The following SPATA18 variants were observed in gnomAD, a reference collection of about 807,000 sequenced individuals.
SPATA18 encodes mitochondria-eating protein.
A neutral mutation model predicts 68.1 loss-of-function variants in SPATA18; 54 were observed. The ratio of observed to expected loss-of-function variants is 0.79; its 90% CI spans 0.64 to 0.99. The LOEUF (loss-of-function observed/expected upper bound fraction) is 0.99. Ranked by LOEUF, SPATA18 falls within the 50% of genes least tolerant of loss-of-function variation. The pLI is 0.00. For synonymous variants in SPATA18, 242 were observed against 244.8 expected (o/e 0.99, Z 0.11); for missense variants, 724 against 681.1 (o/e 1.06, Z -0.70).
intron 7 of SPATA18, among the ~76,000 whole-genome samples, 161 bp downstream of exon 7, chr4:52,077,201 T>G (rs1033073098): frequency 6.6e-6 from 1 of 151,780 alleles, no homozygotes; most frequent in African/African-American, 2.4e-5. Flanking sequence ...TTCTTCCTCC[T>G]TCCCTTTCTT....
Position 52,062,283 on chromosome 4 carries a change from G to C in SPATA18, c.373G>C (p.Asp125His). 1 of 1,609,834 alleles carries C rather than the reference G, an allele frequency of 6.2e-7. No individual in the cohort carries two copies. Among genetic ancestry groups the C allele is most frequent in the Non-Finnish European group, 8.5e-7 (1 of 1,178,194 alleles). ...TCGGGATCGGGATATGCAACAGTTA[G>C]ACTCTAATTTGAACTCAACCCGGAG... ...SPRDRDMQQL[D>H]SNLNSTRSQC... Residue 125 changes from aspartate (D) to histidine (H), a missense_variant, in exon 4 of 13, where the codon GAC becomes CAC. Transcript: ENST00000295213.
At chr4:52,092,449 T>C (rs1196864328) in intron 11 of SPATA18, among the ~76,000 whole-genome samples, 1 of 152,176 alleles carries the variant, frequency 6.6e-6, no homozygotes, top group East Asian at 1.9e-4. Flanking sequence ...ACGGCTTCCC[T>C]TGGGTAGGGG....
At chr4:52,070,370 C>G (rs550570682) in intron 5 of SPATA18, among the ~76,000 whole-genome samples, 79 of 152,168 alleles carry the variant, frequency 5.2e-4, no homozygotes, top group African/African-American at 1.7e-3. Context: ...TACTTGTATA[C>G]TAATTTTCAA....
chr4:52,072,229 A>C lies in SPATA18; in HGVS notation c.758+73A>C, dbSNP rs545970694. Reference sequence around the variant, plus strand: ...GTTAAGGGATCGGGGAGGAGGAAATAAGTAAAATGATAAAATGATACCCTG... The same window carrying C: ...GTTAAGGGATCGGGGAGGAGGAAATCAGTAAAATGATAAAATGATACCCTG... On this transcript the variant is annotated intron_variant, in intron 6 of 12. Coordinates refer to ENST00000295213, the MANE Select transcript of SPATA18 (RefSeq NM_145263.4). 12 of 1,557,860 alleles carry C rather than the reference A, an allele frequency of 7.7e-6. No individual in the cohort carries two copies. The South Asian group carries it at 1.4e-4, about 18-fold the overall frequency.
Position 52,079,988 on chromosome 4 carries a change from C to T in SPATA18, c.1355+69C>T, listed in dbSNP as rs1054747939. The T allele has an allele frequency of 2.0e-6, 3 of 1,514,868 alleles. No individual in the cohort carries two copies. The African/African-American group carries it at 4.2e-5, about 21-fold the overall frequency. The allele number at this position is 1,514,868 out of a possible 1,614,324, so 93.8% of individuals were successfully genotyped here. A position where few individuals can be genotyped will look rare whatever the true frequency, so the allele number is the denominator to read the frequency against. On this transcript the variant is annotated intron_variant, in intron 9 of 12. Transcript: ENST00000295213. ...CATTGTCTTGTCTGTTTCCTGAAAA[C>T]AATTTAAGGAAAAGAACTCTGGGTG...
chr4:52,094,424 G>A, intron 11 of SPATA18, 103 bp from the exon 12 acceptor site: 1 of 1,057,210 alleles, frequency 9.5e-7, no homozygotes, highest in Non-Finnish European at 1.4e-6. Flanking sequence ...GTGCCTCAGA[G>A]AAAGCTATTT....
At position 52,071,977 on chromosome 4, in the gene SPATA18, A is replaced by C. The variant is rs1288328178; in HGVS notation, c.579A>C (p.Ser193=). ...ARHRNTDQRS[S]ENRRSEPWSL... ...ACAGAAACACAGATCAGAGGAGCTC[A>C]GAGAATAGGCGGTCAGAGCCTTGGA... Residue 193 remains serine, a synonymous_variant, in exon 6 of 13, where the codon TCA becomes TCC. Coordinates refer to ENST00000295213, the MANE Select transcript of SPATA18 (RefSeq NM_145263.4). The C allele has an allele frequency of 6.2e-7, 1 of 1,614,014 alleles. No homozygotes were observed.
At chr4:52,063,306 A>G (rs1336196733) in intron 4 of SPATA18, among the ~76,000 whole-genome samples, 1 of 152,204 alleles carries the variant, frequency 6.6e-6, no homozygotes, top group Non-Finnish European at 1.5e-5. Context: ...CTTTCTCAAA[A>G]TGCATACAAC....
rs554944717 is a variant in SPATA18, at chr4:52,056,188, A to T, written c.88-4231A>T. Among the ~76,000 whole-genome samples the T allele has an allele frequency of 3.9e-5, 6 of 152,054 alleles. No individual in the cohort carries two copies. The East Asian group carries it at 9.7e-4, about 25-fold the overall frequency. On this transcript the variant is annotated intron_variant, in intron 1 of 12. Coordinates refer to ENST00000295213, the MANE Select transcript of SPATA18 (RefSeq NM_145263.4). ...CTCTCCCTGGTAATCTCATCTGTGCATGTGGCTTCTGCACTCTCCCACTTG... is the reference window on the plus strand; with the variant it reads ...CTCTCCCTGGTAATCTCATCTGTGCTTGTGGCTTCTGCACTCTCCCACTTG...
At chr4:52,092,827 G>A (rs1010198414) in intron 11 of SPATA18, among the ~76,000 whole-genome samples, 3 of 152,290 alleles carry the variant, frequency 2.0e-5, no homozygotes, top group Admixed American at 6.5e-5. Context: ...GGAAGATCAC[G>A]AGACCATGTC....
intron 10 of SPATA18, 111 bp downstream of exon 10, chr4:52,082,621 A>G (rs927112723): frequency 1.3e-6 from 2 of 1,598,682 alleles, no homozygotes; most frequent in Middle Eastern, 1.7e-4. Flanking sequence ...AGTTGATAAG[A>G]TTTCATACAA....
chr4:52,068,887 A>G (rs970343892), intron 4 of SPATA18, among the ~76,000 whole-genome samples: 6 of 151,746 alleles, frequency 4.0e-5, no homozygotes, highest in African/African-American at 1.2e-4. Flanking sequence ...TTTTGGAGAC[A>G]TGTTCTTACT....
At chr4:52,072,298 A>G in intron 6 of SPATA18, 142 bp downstream of exon 6, 1 of 1,353,958 alleles carries the variant, frequency 7.4e-7, no homozygotes. Context: ...TTGTAAAGGG[A>G]TTGTTTTCTT....
intron 6 of SPATA18, among the ~76,000 whole-genome samples, chr4:52,073,227 A>AC (rs1740020590): frequency 3.9e-5 from 6 of 152,250 alleles, no homozygotes; most frequent in African/African-American, 1.2e-4. Context: ...ATTGGAAAAC[A>AC]CCATAAGTAA....
intron 6 of SPATA18, among the ~76,000 whole-genome samples, chr4:52,072,563 C>G (rs376771922): frequency 1.3e-5 from 2 of 152,066 alleles, no homozygotes; most frequent in Non-Finnish European, 2.9e-5. Flanking sequence ...CCACCATGCT[C>G]GGTTAATTTT....
intron 4 of SPATA18, among the ~76,000 whole-genome samples, chr4:52,066,899 A>G (rs1739365386): frequency 6.6e-6 from 1 of 152,174 alleles, no homozygotes; most frequent in African/African-American, 2.4e-5. Flanking sequence ...TATTCAGTCC[A>G]TCATTGATGG....
At chr4:52,065,607 TTAAG>T (rs962420953) in intron 4 of SPATA18, among the ~76,000 whole-genome samples, 34 of 152,316 alleles carry the variant, frequency 2.2e-4, no homozygotes, top group African/African-American at 7.9e-4. Context: ...GTTTTTAAAT[TTAAG>T]GTATCACTAA....
At chr4:52,080,542 GGATAT>G (rs1215748613) in intron 9 of SPATA18, among the ~76,000 whole-genome samples, 2 of 152,120 alleles carry the variant, frequency 1.3e-5, no homozygotes, top group Non-Finnish European at 2.9e-5. Flanking sequence ...TGAGATCACA[GGATAT>G]AGCTGGAGAT....
chr4:52,071,932 A>C lies in SPATA18; in HGVS notation c.534A>C (p.Gln178His), dbSNP rs748324603. Residue 178 changes from glutamine (Q) to histidine (H), a missense_variant, in exon 6 of 13, where the codon CAA becomes CAC. Physicochemically the swap from Gln to His is conservative, Grantham distance 24. Coordinates refer to ENST00000295213, the MANE Select transcript of SPATA18 (RefSeq NM_145263.4). ...NQLKKQLKSL[Q>H]AQEDARHRNT... Reference sequence around the variant, plus strand: ...TGCTGTTCAGGCTTAAATCTCTTCAAGCTCAGGAGGATGCCCGCCACAGAA... The same window carrying C: ...TGCTGTTCAGGCTTAAATCTCTTCACGCTCAGGAGGATGCCCGCCACAGAA... 2 of 1,613,270 alleles carry C rather than the reference A, an allele frequency of 1.2e-6. No homozygotes were observed. The highest frequency in any genetic ancestry group is 1.7e-6 in the Non-Finnish European group (2 of 1,179,930).
Sources: allele counts gnomAD v4.1 joint callset (sites outside exome capture counted in the v4.1 genomes callset), GRCh38; gene constraint gnomAD v4.1.1; transcripts MANE v1.5; gene names NCBI Gene and HGNC (gene_info 2026-07-23, HGNC 2026-07-21).